Variants in PHF2 observed in about 807,000 individuals in gnomAD.
PHF2 encodes the protein PHD finger protein 2.
In PHF2, 27 loss-of-function variants were observed where a neutral mutation model predicts 120.5. That is an observed-to-expected ratio of 0.22 (90% CI 0.17 to 0.31). PHF2 has a LOEUF of 0.31. PHF2 is among the 10% of genes least tolerant of loss of function. The pLI, the probability that PHF2 is intolerant of heterozygous loss-of-function variation, is 1.00. For synonymous variants in PHF2, 568 were observed against 592.5 expected (o/e 0.96, Z 0.60); for missense variants, 1,024 against 1,434.8 (o/e 0.71, Z 4.63).
At chr9:93,655,822 G>A (rs1300399899) in intron 7 of PHF2, 112 bp from the exon 8 acceptor site, 2 of 723,522 alleles carry the variant, frequency 2.8e-6, no homozygotes, top group Non-Finnish European at 4.7e-6. Flanking sequence ...CTGGAGCCTG[G>A]GCTGGGCCGG....
chr9:93,666,152 G>C (rs1826676591), intron 16 of PHF2, 92 bp downstream of exon 16: 1 of 1,364,894 alleles, frequency 7.3e-7, no homozygotes. Context: ...GCGGTCTCTG[G>C]GGGTGTTTCT....
At chr9:93,662,596 T>C (rs1826594362) in intron 12 of PHF2, among the ~76,000 whole-genome samples, 1 of 150,540 alleles carries the variant, frequency 6.6e-6, no homozygotes, top group African/African-American at 2.5e-5. Flanking sequence ...GGTGCATGGA[T>C]GGATGAATGA....
chr9:93,629,897 A>C, intron 1 of PHF2, 73 bp from the exon 2 acceptor site: 125 of 1,423,782 alleles, frequency 8.8e-5, no homozygotes, highest in Middle Eastern at 1.7e-4. Flanking sequence ...GATTCTCCCT[A>C]GAGCTTCGCA....
chr9:93,616,611 AAG>A (rs1233979563), intron 1 of PHF2, among the ~76,000 whole-genome samples: 2 of 73,464 alleles, frequency 2.7e-5, no homozygotes, highest in Admixed American at 1.4e-4. Context: ...CTGGGAGTGA[AAG>A]AGGCCACTTC....
intron 12 of PHF2, among the ~76,000 whole-genome samples, chr9:93,661,359 A>G (rs1826561508): frequency 1.3e-5 from 2 of 152,244 alleles, no homozygotes; most frequent in South Asian, 4.1e-4. Flanking sequence ...GCAAGCATGA[A>G]TGAATGCATG....
intron 2 of PHF2, among the ~76,000 whole-genome samples, chr9:93,630,767 G>A (rs996189338): frequency 6.6e-6 from 1 of 152,186 alleles, no homozygotes. Context: ...GGTCTGCAAG[G>A]ACTCGGGAGG....
At chr9:93,632,799 G>A (rs1268222299) in intron 2 of PHF2, among the ~76,000 whole-genome samples, 3 of 152,212 alleles carry the variant, frequency 2.0e-5, no homozygotes, top group African/African-American at 7.2e-5. Flanking sequence ...TGTGCTGAAT[G>A]TGCTATATAA....
intron 18 of PHF2, 55 bp downstream of exon 18, chr9:93,673,917 C>T: frequency 6.7e-7 from 1 of 1,498,496 alleles, no homozygotes; most frequent in South Asian, 1.3e-5. Context: ...GAAGGCCTGG[C>T]TGAGAATGGA....
chr9:93,604,017 C>T (rs751009586), intron 1 of PHF2, among the ~76,000 whole-genome samples: 5 of 152,236 alleles, frequency 3.3e-5, no homozygotes, highest in Non-Finnish European at 5.9e-5. Context: ...GCCCATTGGC[C>T]TCTCCTGGAC....
intron 2 of PHF2, among the ~76,000 whole-genome samples, chr9:93,633,964 G>A (rs1826050553): frequency 6.6e-6 from 1 of 152,086 alleles, no homozygotes; most frequent in African/African-American, 2.4e-5. Context: ...CCACGGGGCT[G>A]CCTCACGCTC....
chr9:93,578,528 G>A (rs1056731218), intron 1 of PHF2, among the ~76,000 whole-genome samples: 2 of 152,216 alleles, frequency 1.3e-5, no homozygotes, highest in African/African-American at 4.8e-5. Context: ...GGCGAGCGCA[G>A]TCACTCTGCT....
intron 1 of PHF2, among the ~76,000 whole-genome samples, chr9:93,582,932 C>T (rs1374679153): frequency 6.6e-6 from 1 of 152,128 alleles, no homozygotes; most frequent in African/African-American, 2.4e-5. Flanking sequence ...ATAAAATTAA[C>T]CATTTGAAAG....
At position 93,674,923 on chromosome 9, in the gene PHF2, C is replaced by T; in HGVS notation, c.2627-4C>T. On this transcript the variant is annotated splice_polypyrimidine_tract_variant and splice_region_variant and intron_variant, in intron 18 of 21. Coordinates refer to ENST00000359246, the MANE Select transcript of PHF2 (RefSeq NM_005392.4). ...GGCCACGCCTTCCCTCTGCCTCCCTCTAGTTTACCCCTCACTGGAGTCAGA... is the reference window on the plus strand; with the variant it reads ...GGCCACGCCTTCCCTCTGCCTCCCTTTAGTTTACCCCTCACTGGAGTCAGA... 6.2e-7 allele frequency: 1 copy of T among 1,612,068 alleles called. No homozygotes were observed. Among genetic ancestry groups the T allele is most frequent in the South Asian group, 1.1e-5 (1 of 91,042 alleles).
intron 1 of PHF2, among the ~76,000 whole-genome samples, chr9:93,586,518 C>G (rs1033789463): frequency 1.3e-5 from 2 of 152,342 alleles, no homozygotes; most frequent in Non-Finnish European, 2.9e-5. Flanking sequence ...GCCAGCAGCC[C>G]CCACTCCTCC....
rs36083667 is a variant in PHF2, at chr9:93,607,439, A to ATT, written c.99-22509_99-22508dup. ...GGCCATGCACCAACATGCCTGGCTA[A>ATT]TTTTTTTTTTTTTTTTTTTTTTTGG... On this transcript the variant is annotated intron_variant, in intron 1 of 21. Coordinates refer to ENST00000359246, the MANE Select transcript of PHF2 (RefSeq NM_005392.4). Among the ~76,000 whole-genome samples the ATT allele has an allele frequency of 9.0e-5, 9 of 100,526 alleles. No homozygotes were observed. In the South Asian group the frequency reaches 1.4e-3, roughly 16 times the overall value. The allele number at this position is 100,526 out of a possible 152,430, so 65.9% of individuals were successfully genotyped here.
At chr9:93,666,432 T>C (rs1169519278) in intron 16 of PHF2, among the ~76,000 whole-genome samples, 1 of 152,178 alleles carries the variant, frequency 6.6e-6, no homozygotes, top group African/African-American at 2.4e-5. Context: ...ACTGGGGCTG[T>C]CTTGTGTAAG....
chr9:93,652,029 G>A (rs948324669), intron 5 of PHF2, among the ~76,000 whole-genome samples: 24 of 152,166 alleles, frequency 1.6e-4, no homozygotes, highest in Non-Finnish European at 3.1e-4. Context: ...GTGCTAGTTT[G>A]GAACGTGCTG....
intron 1 of PHF2, among the ~76,000 whole-genome samples, chr9:93,615,410 G>A (rs1234899436): frequency 6.6e-6 from 1 of 152,164 alleles, no homozygotes; most frequent in African/African-American, 2.4e-5. Context: ...CGATGATGAT[G>A]GTGATGATAA....
chr9:93,620,554 C>G (rs145067070), intron 1 of PHF2, among the ~76,000 whole-genome samples: 221 of 152,324 alleles, frequency 1.5e-3, no homozygotes, highest in African/African-American at 5.1e-3. Context: ...TGGACACAGG[C>G]CACAAGCACG....
Sources: allele counts gnomAD v4.1 joint callset (sites outside exome capture counted in the v4.1 genomes callset), GRCh38; gene constraint gnomAD v4.1.1; transcripts MANE v1.5; gene names NCBI Gene and HGNC (gene_info 2026-07-23, HGNC 2026-07-21).